Variants in KCNH8 observed in about 807,000 individuals in gnomAD.
KCNH8 encodes the protein voltage-gated delayed rectifier potassium channel KCNH8.
In KCNH8, 70 loss-of-function variants were observed where a neutral mutation model predicts 103.6. The ratio of observed to expected loss-of-function variants is 0.68; its 90% CI spans 0.56 to 0.82. KCNH8 has a LOEUF of 0.82. Ranked by LOEUF, KCNH8 falls within the 40% of genes least tolerant of loss-of-function variation. The pLI, the probability that KCNH8 is intolerant of heterozygous loss-of-function variation, is 0.00. For missense variants in KCNH8, 1,217 were observed against 1,329.9 expected (o/e 0.92, Z 1.32); for synonymous variants, 498 against 489.4 (o/e 1.02, Z -0.23).
intron 5 of KCNH8, among the ~76,000 whole-genome samples, chr3:19,368,656 T>C (rs1168760907): frequency 3.3e-5 from 5 of 152,036 alleles, no homozygotes; most frequent in African/African-American, 9.7e-5. Flanking sequence ...GAAGCATGAC[T>C]GAGCATAAAC....
At chr3:19,186,028 C>G (rs1456181404) in intron 1 of KCNH8, among the ~76,000 whole-genome samples, 2 of 151,750 alleles carry the variant, frequency 1.3e-5, no homozygotes, top group East Asian at 3.9e-4. Context: ...ACTTTAGTGT[C>G]TCATGGAAAA....
intron 2 of KCNH8, among the ~76,000 whole-genome samples, chr3:19,257,878 A>G (rs771426558): frequency 1.3e-5 from 2 of 152,064 alleles, no homozygotes; most frequent in Non-Finnish European, 2.9e-5. Context: ...CTTCTGAAGG[A>G]TGTGAGAAAG....
chr3:19,233,071 C>A (rs181500325), intron 1 of KCNH8, among the ~76,000 whole-genome samples: 22 of 106,712 alleles, frequency 2.1e-4, no homozygotes, highest in African/African-American at 7.6e-4. Context: ...TCCCCCCCCC[C>A]ACCCCACTAC....
intron 11 of KCNH8, among the ~76,000 whole-genome samples, chr3:19,492,091 T>C (rs987112274): frequency 2.0e-5 from 3 of 152,132 alleles, no homozygotes; most frequent in Admixed American, 2.0e-4. Context: ...TTCAGATGTA[T>C]AGTTCATAAA....
chr3:19,376,953 G>C (rs992199692), intron 5 of KCNH8, among the ~76,000 whole-genome samples: 2 of 152,202 alleles, frequency 1.3e-5, no homozygotes, highest in African/African-American at 4.8e-5. Flanking sequence ...GCAATGCTGT[G>C]CACAGGTAAG....
chr3:19,423,106 T>C (rs2066974879), intron 7 of KCNH8, among the ~76,000 whole-genome samples: 1 of 152,114 alleles, frequency 6.6e-6, no homozygotes. Context: ...CCTGAAATCT[T>C]GAGTATAATC....
At chr3:19,150,850 G>A (rs553786539) in intron 1 of KCNH8, among the ~76,000 whole-genome samples, 1 of 152,274 alleles carries the variant, frequency 6.6e-6, no homozygotes, top group South Asian at 2.1e-4. Flanking sequence ...GAGGGAACCA[G>A]TTTGCATGAA....
chr3:19,451,106 T>C, intron 9 of KCNH8, 49 bp from the exon 10 acceptor site: 1 of 1,596,154 alleles, frequency 6.3e-7, no homozygotes, highest in East Asian at 2.2e-5. Flanking sequence ...GTAAATCAGT[T>C]AGACTACACT....
intron 3 of KCNH8, among the ~76,000 whole-genome samples, chr3:19,299,051 A>G (rs1053841108): frequency 7.9e-5 from 12 of 152,242 alleles, no homozygotes; most frequent in South Asian, 6.2e-4. Flanking sequence ...GGGAGGTCCA[A>G]TTGAAGACAC....
chr3:19,435,823 A>T (rs762603889), intron 7 of KCNH8, among the ~76,000 whole-genome samples: 18 of 152,216 alleles, frequency 1.2e-4, no homozygotes, highest in Non-Finnish European at 1.8e-4. Context: ...TATTGAACCT[A>T]AAACATGTTA....
At chr3:19,263,798 T>C (rs2064468716) in intron 2 of KCNH8, among the ~76,000 whole-genome samples, 1 of 152,108 alleles carries the variant, frequency 6.6e-6, no homozygotes, top group African/African-American at 2.4e-5. Flanking sequence ...GCAGTTGTGT[T>C]GCACAACTTC....
At chr3:19,516,642 C>T (rs1369986548) in intron 14 of KCNH8, among the ~76,000 whole-genome samples, 1 of 151,978 alleles carries the variant, frequency 6.6e-6, no homozygotes, top group African/African-American at 2.4e-5. Flanking sequence ...AGTCCTACCA[C>T]TCTCTTAGCT....
intron 4 of KCNH8, among the ~76,000 whole-genome samples, chr3:19,346,971 G>C (rs2065737909): frequency 6.6e-6 from 1 of 152,058 alleles, no homozygotes; most frequent in Non-Finnish European, 1.5e-5. Flanking sequence ...TGCTTTTGCA[G>C]TTATCAAAAA....
chr3:19,462,155 C>A (rs2067644083), intron 11 of KCNH8, among the ~76,000 whole-genome samples: 1 of 152,028 alleles, frequency 6.6e-6, no homozygotes, highest in Admixed American at 6.6e-5. Context: ...GGATATATAC[C>A]CAATAATGGG....
chr3:19,452,605 G>A (rs1018182892), intron 10 of KCNH8, among the ~76,000 whole-genome samples: 3 of 152,180 alleles, frequency 2.0e-5, no homozygotes, highest in East Asian at 3.9e-4. Flanking sequence ...AATTCAGGAT[G>A]TATTTCAAAC....
At chr3:19,222,190 G>T (rs2063883175) in intron 1 of KCNH8, among the ~76,000 whole-genome samples, 1 of 152,140 alleles carries the variant, frequency 6.6e-6, no homozygotes, top group African/African-American at 2.4e-5. Context: ...TGGGCAATAT[G>T]AGTAGATTTT....
chr3:19,431,398 G>T (rs2067119518), intron 7 of KCNH8, among the ~76,000 whole-genome samples: 1 of 152,148 alleles, frequency 6.6e-6, no homozygotes, highest in African/African-American at 2.4e-5. Flanking sequence ...GTATTTTGTT[G>T]AGAGTTTTTG....
At chr3:19,420,081 T>TA (rs1158615462) in intron 7 of KCNH8, among the ~76,000 whole-genome samples, 1 of 152,136 alleles carries the variant, frequency 6.6e-6, no homozygotes, top group African/African-American at 2.4e-5. Flanking sequence ...ACAGGCTGTC[T>TA]AAAGTACCGC....
intron 1 of KCNH8, among the ~76,000 whole-genome samples, chr3:19,204,322 G>A (rs572776455): frequency 2.6e-5 from 4 of 152,110 alleles, no homozygotes; most frequent in Admixed American, 2.6e-4. Flanking sequence ...TCTTAGAGGT[G>A]GCTGGATAAG....
Sources: allele counts gnomAD v4.1 joint callset (sites outside exome capture counted in the v4.1 genomes callset), GRCh38; gene constraint gnomAD v4.1.1; transcripts MANE v1.5; gene names NCBI Gene and HGNC (gene_info 2026-07-23, HGNC 2026-07-21).